Variants in ZBTB7B observed in about 807,000 individuals in gnomAD.
The protein encoded by ZBTB7B is zinc finger and BTB domain-containing protein 7B.
A neutral mutation model predicts 31.0 loss-of-function variants in ZBTB7B; 8 were observed. That is an observed-to-expected ratio of 0.26 (90% confidence interval 0.15 to 0.47). ZBTB7B has a LOEUF of 0.47. Among genes scored for constraint, ZBTB7B ranks in the 20% least tolerant of loss-of-function variants. ZBTB7B has a pLI of 0.99. For synonymous variants in ZBTB7B, 261 were observed against 307.3 expected, an observed-to-expected ratio of 0.85 and a Z score of 1.58; for missense variants, 494 against 742.4, an observed-to-expected ratio of 0.67 and a Z score of 3.89.
At chr1:155,005,002 T>G (rs991624937) in intron 1 of ZBTB7B, among the ~76,000 whole-genome samples, 3 of 151,816 alleles carry the variant, frequency 2.0e-5, no homozygotes, top group Non-Finnish European at 2.9e-5. Flanking sequence ...TTCTGGCTGA[T>G]GTAGACCCCA....
intron 1 of ZBTB7B, among the ~76,000 whole-genome samples, chr1:155,007,315 G>A (rs1658616895): frequency 6.6e-6 from 1 of 152,182 alleles, no homozygotes; most frequent in Non-Finnish European, 1.5e-5. Context: ...CCTGCCCCCT[G>A]CCCTCTAGGC....
intron 1 of ZBTB7B, among the ~76,000 whole-genome samples, chr1:155,009,468 C>G (rs980986692): frequency 3.3e-5 from 5 of 152,098 alleles, no homozygotes; most frequent in African/African-American, 2.4e-5. Context: ...CCAGGCAGAC[C>G]CTGCTGAGAA....
chr1:155,011,052 G>C (rs532495831), intron 1 of ZBTB7B: 1 of 1,491,046 alleles, frequency 6.7e-7, no homozygotes, highest in South Asian at 1.2e-5. Context: ...GGGGCTCTGC[G>C]TGCCTGTGTC....
At chr1:155,011,052 G>A (rs532495831) in intron 1 of ZBTB7B, 27 of 1,491,166 alleles carry the variant, frequency 1.8e-5, no homozygotes, top group East Asian at 7.4e-5. Context: ...GGGGCTCTGC[G>A]TGCCTGTGTC....
At chr1:155,014,374 T>C (rs1230511868) in intron 1 of ZBTB7B, 2 of 439,374 alleles carry the variant, frequency 4.6e-6, no homozygotes, top group Non-Finnish European at 8.2e-6. Context: ...TAGAATAGTA[T>C]AGTGGTTAGG....
At chr1:155,013,479 C>T (rs1659139630) in intron 1 of ZBTB7B, among the ~76,000 whole-genome samples, 1 of 152,240 alleles carries the variant, frequency 6.6e-6, no homozygotes. Flanking sequence ...GGTCATTCAG[C>T]AAGACAGTAG....
intron 1 of ZBTB7B, among the ~76,000 whole-genome samples, chr1:155,005,541 T>A (rs374813863): frequency 6.6e-6 from 1 of 152,202 alleles, no homozygotes; most frequent in South Asian, 2.1e-4. Flanking sequence ...GAGTAGTGAA[T>A]GGGCTCCAGG....
intron 1 of ZBTB7B, among the ~76,000 whole-genome samples, chr1:155,009,901 C>T (rs1052190192): frequency 2.6e-5 from 4 of 151,934 alleles, no homozygotes; most frequent in African/African-American, 9.7e-5. Context: ...AAAGGAGAGG[C>T]AGGGACAGTT....
intron 1 of ZBTB7B, among the ~76,000 whole-genome samples, chr1:155,008,418 T>C (rs1658703039): frequency 6.6e-6 from 1 of 152,126 alleles, no homozygotes; most frequent in Non-Finnish European, 1.5e-5. Flanking sequence ...TGCTGGGGTC[T>C]AGAGGGCTTC....
At position 155,004,143 on chromosome 1, in the gene ZBTB7B, C is replaced by T. The variant is rs975396914; in HGVS notation, c.-7+1200C>T. On this transcript the variant is annotated intron_variant, in intron 1 of 2. Coordinates refer to ENST00000535420, the MANE Select transcript of ZBTB7B (RefSeq NM_001256455.2). The surrounding 1 kb of genome is among the most constrained non-coding windows in gnomAD (Gnocchi z 4.0). ...CCGGTGCTAGCTGACCCACAGGAAA[C>T]GAGCGCTGCTGACCTAGTTTGGGAC... 3.3e-5 allele frequency among the ~76,000 whole-genome samples: 5 copies of T among 152,336 alleles called. No individual in the cohort carries two copies. In the East Asian group the frequency reaches 5.8e-4, roughly 18 times the overall value.
chr1:155,007,721 C>T (rs577355782), intron 1 of ZBTB7B, among the ~76,000 whole-genome samples: 13 of 152,004 alleles, frequency 8.6e-5, no homozygotes, highest in East Asian at 3.9e-4. Context: ...TGGCATGGGG[C>T]GCTGGGAGCA....
chr1:155,005,179 A>AC (rs1658485494), intron 1 of ZBTB7B, among the ~76,000 whole-genome samples: 1 of 148,406 alleles, frequency 6.7e-6, no homozygotes, highest in Non-Finnish European at 1.5e-5. Flanking sequence ...TGCACTTGGC[A>AC]CCCTGGGGAA....
At chr1:155,008,978 A>G (rs1422206193) in intron 1 of ZBTB7B, among the ~76,000 whole-genome samples, 3 of 152,218 alleles carry the variant, frequency 2.0e-5, no homozygotes, top group Non-Finnish European at 2.9e-5. Context: ...CAGGCCCCTC[A>G]GCGTTCAGGT....
At chr1:155,008,922 C>G (rs555600159) in intron 1 of ZBTB7B, among the ~76,000 whole-genome samples, 31 of 152,234 alleles carry the variant, frequency 2.0e-4, no homozygotes, top group East Asian at 7.8e-4. Flanking sequence ...GGCCCTCCCC[C>G]ACCTGTCCCA....
chr1:155,011,564 G>C (rs932498698), intron 1 of ZBTB7B, among the ~76,000 whole-genome samples: 1 of 152,078 alleles, frequency 6.6e-6, no homozygotes, highest in Non-Finnish European at 1.5e-5. Flanking sequence ...GGGGTGGCGG[G>C]AAAGAGGGGA....
At chr1:155,012,383 C>T (rs1008363568) in intron 1 of ZBTB7B, among the ~76,000 whole-genome samples, 3 of 152,090 alleles carry the variant, frequency 2.0e-5, no homozygotes, top group Non-Finnish European at 2.9e-5. Flanking sequence ...ACAGGATCCA[C>T]TTGGGCCCAG....
At position 155,018,512 on chromosome 1, in the gene ZBTB7B, A is replaced by ATTTAAGAT. The variant is rs773838723; in HGVS notation, c.*1829_*1836dup. 2 of 1,595,306 alleles carry ATTTAAGAT rather than the reference A, an allele frequency of 1.3e-6. No homozygotes were observed. The highest frequency in any genetic ancestry group is 2.7e-5 in the African/African-American group (2 of 73,928). On this transcript the variant is annotated 3_prime_UTR_variant, in exon 3 of 3. Transcript: ENST00000535420. ...TAAGCGACAGGAAGAAATAATAATAATTTAAGATTCACACTTGTGTCCACT... is the reference window on the plus strand; with the variant it reads ...TAAGCGACAGGAAGAAATAATAATAATTTAAGATTTTAAGATTCACACTTGTGTCCACT...
At position 155,011,552 on chromosome 1, in the gene ZBTB7B, G is replaced by C. The variant is rs562643736; in HGVS notation, c.-6-3103G>C. Among the ~76,000 whole-genome samples, 19 of 152,246 alleles carry C rather than the reference G, an allele frequency of 1.2e-4. No homozygotes were observed. In the East Asian group the frequency reaches 1.5e-3, roughly 12 times the overall value. On this transcript the variant is annotated intron_variant, in intron 1 of 2. Transcript: ENST00000535420. ...CAGGCCTGACAGTGAGGGGAGCCTG[G>C]GGGGGTGGCGGGAAAGAGGGGAGTG...
intron 1 of ZBTB7B, chr1:155,010,969 G>A (rs755363075): frequency 6.5e-7 from 1 of 1,535,786 alleles, no homozygotes; most frequent in Non-Finnish European, 8.7e-7. Flanking sequence ...GCTGCTCCTG[G>A]AGAAGCCTGG....
Sources: allele counts gnomAD v4.1 joint callset (sites outside exome capture counted in the v4.1 genomes callset), GRCh38; gene constraint gnomAD v4.1.1; non-coding constraint Gnocchi (gnomAD v3.1); transcripts MANE v1.5; gene names NCBI Gene and HGNC (gene_info 2026-07-23, HGNC 2026-07-21).